PUM1: variants seen among roughly 807,000 people sequenced by gnomAD.
PUM1 encodes the protein pumilio RNA binding family member 1, also known as pumilio homolog 1.
A neutral mutation model predicts 131.8 loss-of-function variants in PUM1; 13 were observed. The observed-to-expected ratio is 0.10, with a 90% CI of 0.06 to 0.16. The LOEUF (loss-of-function observed/expected upper bound fraction) is 0.16, where lower values mean the gene tolerates loss of function less well. Among genes scored for constraint, PUM1 ranks in the 10% least tolerant of loss-of-function variants. The probability of loss-of-function intolerance (pLI) is 1.00; values close to 1 mark genes in which losing one functional copy is unlikely to be tolerated. For synonymous variants in PUM1, 509 were observed against 556.5 expected, an observed-to-expected ratio of 0.91 and a Z score of 1.20; for missense variants, 961 against 1,512.4, an observed-to-expected ratio of 0.64 and a Z score of 6.05.
intron 2 of PUM1, among the ~76,000 whole-genome samples, chr1:31,043,054 T>C (rs1643870059): frequency 2.0e-5 from 3 of 152,194 alleles, no homozygotes; most frequent in Admixed American, 1.3e-4. Context: ...CTCCTCTCTT[T>C]ATGAAACTAA....
At chr1:30,966,352 T>C (rs775588622) in intron 12 of PUM1, 74 bp from the exon 13 acceptor site, 25 of 1,454,884 alleles carry the variant, frequency 1.7e-5, no homozygotes, top group Non-Finnish European at 2.0e-5. Context: ...TTTATCTTTT[T>C]TCAAAAAATC....
intron 20 of PUM1, among the ~76,000 whole-genome samples, chr1:30,938,996 TCTC>T (rs1397866637): frequency 6.6e-6 from 1 of 152,056 alleles, no homozygotes; most frequent in Non-Finnish European, 1.5e-5. Context: ...TCTACTAAAA[TCTC>T]CTATCTTTTC....
At chr1:30,976,947 C>T (rs891013912) in intron 9 of PUM1, among the ~76,000 whole-genome samples, 2 of 152,092 alleles carry the variant, frequency 1.3e-5, no homozygotes, top group Non-Finnish European at 1.5e-5. Context: ...AAAAAAGACC[C>T]TAACTGTGCC....
chr1:30,987,283 G>A (rs1191793596), intron 7 of PUM1, among the ~76,000 whole-genome samples: 2 of 149,584 alleles, frequency 1.3e-5, no homozygotes, highest in Non-Finnish European at 3.0e-5. Context: ...TGCAACCTCC[G>A]CCTCCTGGGT....
At chr1:31,027,080 A>G (rs1643252029) in intron 3 of PUM1, among the ~76,000 whole-genome samples, 1 of 152,188 alleles carries the variant, frequency 6.6e-6, no homozygotes, top group Admixed American at 6.5e-5. Flanking sequence ...TTAAGCATTC[A>G]GTGATTATAA....
chr1:30,952,681 G>GGA (rs1553145210), intron 15 of PUM1, among the ~76,000 whole-genome samples: 2 of 29,226 alleles, frequency 6.8e-5, no homozygotes, highest in African/African-American at 3.0e-4. Context: ...AAGCGGGGGG[G>GGA]GCGGGGGGGG....
intron 2 of PUM1, among the ~76,000 whole-genome samples, chr1:31,042,233 G>A (rs887126337): frequency 1.3e-5 from 2 of 151,962 alleles, no homozygotes; most frequent in African/African-American, 4.8e-5. Flanking sequence ...TTGAATCCAG[G>A]AGGCAGAGGT....
chr1:31,035,184 G>A (rs982926591), intron 2 of PUM1, among the ~76,000 whole-genome samples: 6 of 152,072 alleles, frequency 3.9e-5, no homozygotes, highest in African/African-American at 1.4e-4. Context: ...TGGGTCCCTT[G>A]AGCCTGCGAC....
chr1:30,937,339 T>C (rs559463000), intron 20 of PUM1, among the ~76,000 whole-genome samples: 2 of 152,312 alleles, frequency 1.3e-5, no homozygotes, highest in African/African-American at 2.4e-5. Context: ...ACCTTACTTA[T>C]GCCTATCTCC....
chr1:30,963,409 T>A (rs1042796573), intron 14 of PUM1, among the ~76,000 whole-genome samples: 2 of 152,248 alleles, frequency 1.3e-5, no homozygotes, highest in African/African-American at 2.4e-5. Context: ...GATGTTCATA[T>A]ATAACCTGAG....
chr1:30,959,589 T>A (rs931390698), intron 14 of PUM1, among the ~76,000 whole-genome samples: 1 of 152,010 alleles, frequency 6.6e-6, no homozygotes, highest in Non-Finnish European at 1.5e-5. Context: ...GAATACAGGA[T>A]AAAAGCCACA....
intron 2 of PUM1, among the ~76,000 whole-genome samples, chr1:31,044,124 G>C (rs373296734): frequency 2.2e-4 from 33 of 152,212 alleles, no homozygotes; most frequent in Non-Finnish European, 3.5e-4. Flanking sequence ...AAAGAAGGCC[G>C]GGCGCAGTGG....
At chr1:30,962,322 G>A (rs1640447245) in intron 14 of PUM1, among the ~76,000 whole-genome samples, 1 of 152,172 alleles carries the variant, frequency 6.6e-6, no homozygotes, top group South Asian at 2.1e-4. Flanking sequence ...TTAAATTGCT[G>A]ATGCTTTAGA....
chr1:31,064,973 A>T (rs1378059725), intron 1 of PUM1, among the ~76,000 whole-genome samples: 2 of 152,188 alleles, frequency 1.3e-5, no homozygotes, highest in Non-Finnish European at 2.9e-5. Flanking sequence ...CGGGAGGCTC[A>T]AAAAGGAAGA....
chr1:31,015,442 C>T (rs561148792), intron 3 of PUM1, among the ~76,000 whole-genome samples: 40 of 150,196 alleles, frequency 2.7e-4, no homozygotes, highest in Non-Finnish European at 4.4e-4. Context: ...CCTGGGTTCA[C>T]GCCATTCTCC....
chr1:31,008,053 C>G (rs1204609714), intron 3 of PUM1, among the ~76,000 whole-genome samples: 2 of 152,120 alleles, frequency 1.3e-5, no homozygotes, highest in Non-Finnish European at 2.9e-5. Flanking sequence ...AGTATTTAAC[C>G]ACCATTTTTG....
At chr1:30,994,532 A>G (rs1425807910) in intron 6 of PUM1, among the ~76,000 whole-genome samples, 1 of 152,234 alleles carries the variant, frequency 6.6e-6, no homozygotes, top group African/African-American at 2.4e-5. Flanking sequence ...ATTAAGAACA[A>G]ATCATTTAAG....
chr1:31,055,105 T>A (rs1369944921), intron 2 of PUM1, among the ~76,000 whole-genome samples: 1 of 152,212 alleles, frequency 6.6e-6, no homozygotes, highest in East Asian at 1.9e-4. Context: ...CAACCTCTTT[T>A]TCACTCTGAC....
intron 3 of PUM1, 124 bp downstream of exon 3, chr1:31,028,672 A>AGAAT (rs1643307111): frequency 3.5e-6 from 3 of 858,846 alleles, no homozygotes; most frequent in Non-Finnish European, 5.9e-6. Context: ...TCCTATCATG[A>AGAAT]GAATGGCAAC....
Sources: gnomAD v4.1 joint callset for allele counts (sites outside exome capture counted in the v4.1 genomes callset) on GRCh38, gnomAD v4.1.1 for gene constraint, MANE v1.5 for transcripts, NCBI Gene and HGNC (gene_info 2026-07-23, HGNC 2026-07-21) for gene names.